The following GOLGA1 variants were observed in gnomAD, a reference collection of about 807,000 sequenced individuals.
GOLGA1 encodes golgin A1.
GOLGA1 carries 63 observed loss-of-function variants against 119.7 expected under a neutral mutation model. The ratio of observed to expected loss-of-function variants is 0.53; its 90% CI spans 0.43 to 0.65. The LOEUF is 0.65. Ranked by LOEUF, GOLGA1 falls within the 30% of genes least tolerant of loss-of-function variation. The pLI, the probability that GOLGA1 is intolerant of heterozygous loss-of-function variation, is 0.00. For missense variants in GOLGA1, 798 were observed against 912.8 expected (o/e 0.87, Z 1.62); for synonymous variants, 318 against 333.4 (o/e 0.95, Z 0.50).
chr9:124,897,371 G>A (rs1830004940), intron 15 of GOLGA1, among the ~76,000 whole-genome samples: 1 of 152,132 alleles, frequency 6.6e-6, no homozygotes, highest in African/African-American at 2.4e-5. Flanking sequence ...TTGGGACGGA[G>A]TCTCACTCTG....
rs368938555 is a variant in GOLGA1, at chr9:124,880,471, A to G, written c.*59T>C. The G allele has an allele frequency of 8.4e-5, 76 of 901,060 alleles. No individual in the cohort carries two copies. In the African/African-American group the frequency reaches 1.2e-3, roughly 14 times the overall value. The allele number at this position is 901,060 out of a possible 1,614,324, so 55.8% of individuals were successfully genotyped here. On this transcript the variant is annotated 3_prime_UTR_variant, in exon 23 of 23. Coordinates refer to ENST00000373555, the MANE Select transcript of GOLGA1 (RefSeq NM_002077.4). ...AAAAACCCACCCAGACTGGTGTGTC[A>G]GTGTTCTTTTCACAGAAAAAGTGTC... is the stretch of plus-strand genomic sequence containing the variant.
At chr9:124,933,009 GACCACACC>G (rs1382471726) in intron 3 of GOLGA1, among the ~76,000 whole-genome samples, 2 of 151,820 alleles carry the variant, frequency 1.3e-5, no homozygotes, top group South Asian at 2.1e-4. Context: ...CATACATTCA[GACCACACC>G]ACTAGCAGTA....
intron 15 of GOLGA1, among the ~76,000 whole-genome samples, chr9:124,892,477 TATTATA>T (rs1308530319): frequency 2.0e-5 from 3 of 151,962 alleles, no homozygotes; most frequent in African/African-American, 7.3e-5. Flanking sequence ...TATTTCAAAA[TATTATA>T]ATTATTTTTT....
intron 3 of GOLGA1, among the ~76,000 whole-genome samples, chr9:124,932,003 C>G (rs1830779385): frequency 1.3e-5 from 2 of 152,184 alleles, no homozygotes; most frequent in African/African-American, 4.8e-5. Context: ...GCACTGCTTG[C>G]AATTGCTAAT....
intron 3 of GOLGA1, among the ~76,000 whole-genome samples, chr9:124,931,974 A>C (rs532349984): frequency 4.4e-4 from 67 of 152,358 alleles, no homozygotes; most frequent in Middle Eastern, 3.4e-3. Context: ...AAAATAAATG[A>C]ATACTACTAT....
chr9:124,884,066 C>T (rs548875429), intron 19 of GOLGA1, among the ~76,000 whole-genome samples: 1 of 151,674 alleles, frequency 6.6e-6, no homozygotes, highest in Admixed American at 6.6e-5. Flanking sequence ...GGCTGGAGTG[C>T]AGTGGCACGA....
At chr9:124,920,925 A>T (rs770925465) in intron 10 of GOLGA1, among the ~76,000 whole-genome samples, 11 of 152,146 alleles carry the variant, frequency 7.2e-5, no homozygotes, top group Non-Finnish European at 8.8e-5. Context: ...CCTGACAGGA[A>T]AATACTGACT....
At chr9:124,921,949 C>T in intron 8 of GOLGA1, 57 bp from the exon 9 acceptor site, 2 of 1,439,544 alleles carry the variant, frequency 1.4e-6, no homozygotes, top group African/African-American at 2.8e-5. Flanking sequence ...CACTTAAGAT[C>T]AGGCATGCTG....
intron 12 of GOLGA1, among the ~76,000 whole-genome samples, chr9:124,902,104 G>C (rs1259352049): frequency 6.6e-6 from 1 of 152,240 alleles, no homozygotes; most frequent in African/African-American, 2.4e-5. Context: ...GCCTTGGGGA[G>C]CTTTATTATT....
intron 20 of GOLGA1, 87 bp downstream of exon 20, chr9:124,882,423 T>G: frequency 1.1e-6 from 1 of 919,488 alleles, no homozygotes; most frequent in Non-Finnish European, 1.7e-6. Context: ...GGGAGCATAG[T>G]CAGGCGGCGA....
chr9:124,923,498 T>C (rs1830610428), intron 7 of GOLGA1, among the ~76,000 whole-genome samples: 1 of 152,156 alleles, frequency 6.6e-6, no homozygotes, highest in Non-Finnish European at 1.5e-5. Flanking sequence ...TGGACAATGA[T>C]GCATTGATAA....
intron 5 of GOLGA1, among the ~76,000 whole-genome samples, chr9:124,928,692 T>C (rs1830717280): frequency 6.6e-6 from 1 of 152,246 alleles, no homozygotes; most frequent in Admixed American, 6.5e-5. Flanking sequence ...ACCTTTCTTT[T>C]ACTTTATTTT....
intron 5 of GOLGA1, 96 bp from the exon 6 acceptor site, chr9:124,928,381 G>A: frequency 1.6e-6 from 1 of 607,158 alleles, no homozygotes; most frequent in East Asian, 3.1e-5. Flanking sequence ...AATGAAAAAG[G>A]CCAAAGTCAC....
chr9:124,919,581 C>T (rs909338195), intron 10 of GOLGA1, among the ~76,000 whole-genome samples: 2 of 152,160 alleles, frequency 1.3e-5, no homozygotes, highest in African/African-American at 2.4e-5. Flanking sequence ...TGAACAAGGT[C>T]AATAACCTCT....
chr9:124,905,130 A>G (rs1206890649), intron 12 of GOLGA1, among the ~76,000 whole-genome samples: 2 of 149,142 alleles, frequency 1.3e-5, no homozygotes, highest in Non-Finnish European at 3.0e-5. Context: ...TGGGTGATAC[A>G]GCGGGAGTCC....
chr9:124,917,735 C>T (rs1830478117), intron 10 of GOLGA1, among the ~76,000 whole-genome samples: 1 of 152,142 alleles, frequency 6.6e-6, no homozygotes, highest in African/African-American at 2.4e-5. Context: ...AGTTTTTGTT[C>T]ATGCTGTTCC....
At chr9:124,922,317 T>C (rs908588805) in intron 8 of GOLGA1, among the ~76,000 whole-genome samples, 6 of 150,572 alleles carry the variant, frequency 4.0e-5, no homozygotes, top group African/African-American at 1.5e-4. Flanking sequence ...TTTTGGGAGG[T>C]TGAGGCATGC....
chr9:124,922,182 C>T (rs535440132), intron 8 of GOLGA1, among the ~76,000 whole-genome samples: 50 of 150,710 alleles, frequency 3.3e-4, no homozygotes, highest in Non-Finnish European at 5.6e-4. Context: ...TAGCCAAGAT[C>T]GCGCCACTGC....
chr9:124,922,964 A>T, intron 8 of GOLGA1, 131 bp downstream of exon 8: 1 of 572,938 alleles, frequency 1.7e-6, no homozygotes, highest in Non-Finnish European at 3.0e-6. Flanking sequence ...TACAAATATG[A>T]TTAATATCAA....
Sources: allele counts gnomAD v4.1 joint callset (sites outside exome capture counted in the v4.1 genomes callset), GRCh38; gene constraint gnomAD v4.1.1; transcripts MANE v1.5; gene names NCBI Gene and HGNC (gene_info 2026-07-23, HGNC 2026-07-21).